The following PDE11A variants were observed in gnomAD, a reference collection of about 807,000 sequenced individuals.
PDE11A encodes the protein phosphodiesterase 11A.
PDE11A carries 100 observed loss-of-function variants against 100.5 expected under a neutral mutation model. The ratio of observed to expected loss-of-function variants is 1.00; its 90% CI spans 0.85 to 1.18. The LOEUF (loss-of-function observed/expected upper bound fraction) is 1.18, where lower values mean the gene tolerates loss of function less well. Ranked by LOEUF, PDE11A falls within the 50% of genes most tolerant of loss-of-function variation. The pLI is 0.00. For synonymous variants in PDE11A, 381 were observed against 420.8 expected, an observed-to-expected ratio of 0.91 and a Z score of 1.16; for missense variants, 1,141 against 1,152.6, an observed-to-expected ratio of 0.99 and a Z score of 0.15.
At position 177,678,117 on chromosome 2, in the gene PDE11A, G is replaced by A. The variant is rs552068203; in HGVS notation, c.2424-2599C>T. 3.9e-5 allele frequency among the ~76,000 whole-genome samples: 6 copies of A among 152,228 alleles called. No individual in the cohort carries two copies. The South Asian group carries it at 6.2e-4, about 16-fold the overall frequency. On this transcript the variant is annotated intron_variant, in intron 16 of 19. Coordinates refer to ENST00000286063, the MANE Select transcript of PDE11A (RefSeq NM_016953.4). ...AATTTTAACCATGAATAAAACCCAC[G>A]AATGATCACATAAAATGACAGAATG...
At chr2:178,106,085 T>C (rs148705178) in intron 1 of PDE11A, among the ~76,000 whole-genome samples, 3 of 152,374 alleles carry the variant, frequency 2.0e-5, no homozygotes, top group Admixed American at 2.0e-4. Flanking sequence ...TGTGTTATTC[T>C]GCCAATATTG....
At chr2:178,096,164 C>CTTTTTTTT (rs1257178630) in intron 2 of PDE11A, among the ~76,000 whole-genome samples, 65 of 110,242 alleles carry the variant, frequency 5.9e-4, no homozygotes, top group Non-Finnish European at 6.9e-4. Flanking sequence ...TTTTTCTTTT[C>CTTTTTTTT]TTTTCTTTTT....
At chr2:177,732,699 G>A (rs148873350) in intron 10 of PDE11A, among the ~76,000 whole-genome samples, 6 of 152,238 alleles carry the variant, frequency 3.9e-5, no homozygotes, top group Admixed American at 6.5e-5. Flanking sequence ...AGAACATTAC[G>A]TTGAAAATGT....
chr2:178,005,934 T>A (rs759776494), intron 2 of PDE11A, among the ~76,000 whole-genome samples: 2 of 152,134 alleles, frequency 1.3e-5, no homozygotes, highest in Admixed American at 6.6e-5. Flanking sequence ...CCTTGGTAAC[T>A]CTTAGAAACA....
At chr2:177,768,572 T>G (rs1398112108) in intron 10 of PDE11A, among the ~76,000 whole-genome samples, 1 of 152,190 alleles carries the variant, frequency 6.6e-6, no homozygotes, top group Non-Finnish European at 1.5e-5. Context: ...CGTGTTTTGC[T>G]CATTGCTAAA....
chr2:177,842,300 T>G (rs2105627737), intron 5 of PDE11A, among the ~76,000 whole-genome samples: 1 of 152,262 alleles, frequency 6.6e-6, no homozygotes, highest in African/African-American at 2.4e-5. Context: ...AGGAGCCAGT[T>G]TTACCAATAA....
chr2:177,712,337 C>T (rs1471510263), intron 12 of PDE11A, among the ~76,000 whole-genome samples: 2 of 121,214 alleles, frequency 1.6e-5, no homozygotes, highest in African/African-American at 3.0e-5. Context: ...GAGAACACAA[C>T]CCTTCTTTTT....
chr2:177,811,278 G>C (rs1271832102), intron 9 of PDE11A, among the ~76,000 whole-genome samples: 1 of 152,004 alleles, frequency 6.6e-6, no homozygotes, highest in Admixed American at 6.6e-5. Flanking sequence ...ATATAGAATG[G>C]AAATCAGGAT....
At chr2:178,072,836 G>A (rs574431083), upstream of PDE11A, 2 of 1,179,756 alleles carry the variant, frequency 1.7e-6, no homozygotes, top group Non-Finnish European at 2.1e-6. Flanking sequence ...AGTGAGGCAC[G>A]GAGCCTGGAG....
intron 2 of PDE11A, among the ~76,000 whole-genome samples, chr2:177,963,976 C>T (rs1317387415): frequency 6.6e-6 from 1 of 152,208 alleles, no homozygotes; most frequent in African/African-American, 2.4e-5. Context: ...TCTTACCCAT[C>T]TTCTTATCTC....
intron 2 of PDE11A, among the ~76,000 whole-genome samples, chr2:178,102,360 C>T (rs2087569115): frequency 1.3e-5 from 2 of 150,564 alleles, no homozygotes; most frequent in Non-Finnish European, 3.0e-5. Flanking sequence ...CTCCTGACCT[C>T]GTGATCTGCC....
chr2:177,684,661 G>C (rs2080916117), intron 15 of PDE11A, among the ~76,000 whole-genome samples: 1 of 152,198 alleles, frequency 6.6e-6, no homozygotes, highest in African/African-American at 2.4e-5. Flanking sequence ...TAGTAAAAGA[G>C]TTATAGTAAT....
upstream of PDE11A, chr2:178,073,155 C>A (rs1574384585): frequency 1.3e-6 from 1 of 786,564 alleles, no homozygotes; most frequent in Non-Finnish European, 1.5e-6. Context: ...AACACAGAAG[C>A]GGACTCCGAG....
At chr2:178,017,249 A>G (rs2105829742) in intron 1 of PDE11A, among the ~76,000 whole-genome samples, 1 of 152,384 alleles carries the variant, frequency 6.6e-6, no homozygotes, top group Admixed American at 6.5e-5. Context: ...TATAGAAGAG[A>G]GGTACACAAA....
At chr2:177,953,035 A>G (rs1293234640) in intron 2 of PDE11A, 1 of 152,230 alleles carries the variant, frequency 6.6e-6, no homozygotes, top group Non-Finnish European at 1.5e-5. Flanking sequence ...CTCTGTGAGT[A>G]TGTTAGTTTG....
intron 10 of PDE11A, among the ~76,000 whole-genome samples, chr2:177,756,567 C>G (rs2082093171): frequency 6.6e-6 from 1 of 152,096 alleles, no homozygotes; most frequent in Admixed American, 6.6e-5. Flanking sequence ...GCCACCTGTT[C>G]CCACAGAAAT....
At chr2:177,786,678 C>A (rs1021746037) in intron 9 of PDE11A, among the ~76,000 whole-genome samples, 48 of 152,038 alleles carry the variant, frequency 3.2e-4, no homozygotes, top group African/African-American at 1.1e-3. Flanking sequence ...ATAACCAATA[C>A]AGAGAAGTGC....
At chr2:177,803,903 TA>T (rs1207759783) in intron 9 of PDE11A, among the ~76,000 whole-genome samples, 1 of 151,798 alleles carries the variant, frequency 6.6e-6, no homozygotes, top group Non-Finnish European at 1.5e-5. Flanking sequence ...AAGACAAGGA[TA>T]ACCATATGCA....
In PDE11A at chr2:177,720,632, T is replaced by A. The variant is rs556196360; in HGVS notation, c.2043+7026A>T. Among the ~76,000 whole-genome samples the A allele has an allele frequency of 5.3e-5, 8 of 152,320 alleles. No homozygotes were observed. The South Asian group carries it at 1.7e-3, about 32-fold the overall frequency. On this transcript the variant is annotated intron_variant, in intron 12 of 19. Transcript: ENST00000286063. ...ACCATCTAGGACCAACAAACTCACATGTCTCCTTTACCAGAGTATGCAATG... is the reference window on the plus strand; with the variant it reads ...ACCATCTAGGACCAACAAACTCACAAGTCTCCTTTACCAGAGTATGCAATG...
Sources: gnomAD v4.1 joint callset for allele counts (sites outside exome capture counted in the v4.1 genomes callset) on GRCh38, gnomAD v4.1.1 for gene constraint, MANE v1.5 for transcripts, NCBI Gene and HGNC (gene_info 2026-07-23, HGNC 2026-07-21) for gene names.